Variants in MAK observed in about 807,000 individuals in gnomAD.
The protein encoded by MAK is male germ cell associated kinase.
Under a neutral mutation model 82.6 loss-of-function variants are expected in MAK, and 65 were observed. That is an observed-to-expected ratio of 0.79 (90% confidence interval 0.64 to 0.97). The LOEUF (loss-of-function observed/expected upper bound fraction) is 0.97. Ranked by LOEUF, MAK falls within the 50% of genes least tolerant of loss-of-function variation. The pLI, the probability that MAK is intolerant of heterozygous loss-of-function variation, is 0.00. For synonymous variants in MAK, 250 were observed against 274.2 expected, an observed-to-expected ratio of 0.91 and a Z score of 0.87; for missense variants, 703 against 780.2, an observed-to-expected ratio of 0.90 and a Z score of 1.18.
At chr6:10,791,520 G>A (rs1250205324) in intron 10 of MAK, among the ~76,000 whole-genome samples, 155 bp downstream of exon 10, 1 of 152,108 alleles carries the variant, frequency 6.6e-6, no homozygotes, top group African/African-American at 2.4e-5. Context: ...ACCTGCCTCG[G>A]CCTCCCAAAG....
In MAK at chr6:10,802,027, G is replaced by C; in HGVS notation, c.696C>G (p.Ser232=). The change falls in exon 8 of 15, where the codon TCC becomes TCG. Residue 232 remains serine, a synonymous_variant. Coordinates refer to ENST00000354489, the MANE Select transcript of MAK (RefSeq NM_001242957.3). Reference sequence around the variant, plus strand: ...ACTGGGGAAAACGGAAGTTCATAGAGGATGCCAGCTGGTATCCTTCTGGCC... The same window carrying C: ...ACTGGGGAAAACGGAAGTTCATAGACGATGCCAGCTGGTATCCTTCTGGCC... ...SDWPEGYQLA[S]SMNFRFPQCV... The C allele has an allele frequency of 6.2e-7, 1 of 1,614,144 alleles. No homozygotes were observed. The highest frequency in any genetic ancestry group is 8.5e-7 in the Non-Finnish European group (1 of 1,180,016).
intron 11 of MAK, 59 bp downstream of exon 11, chr6:10,784,365 C>G: frequency 6.3e-7 from 1 of 1,588,608 alleles, no homozygotes; most frequent in Non-Finnish European, 8.6e-7. Flanking sequence ...TTCCAAGACA[C>G]TTGAACCTGA....
intron 12 of MAK, among the ~76,000 whole-genome samples, chr6:10,775,002 G>A (rs368220628): frequency 6.6e-6 from 1 of 152,114 alleles, no homozygotes; most frequent in Non-Finnish European, 1.5e-5. Context: ...TTTTAATATA[G>A]AGGCACAGTT....
chr6:10,830,443 C>T (rs190036324), intron 2 of MAK, 105 bp downstream of exon 2: 4 of 936,380 alleles, frequency 4.3e-6, no homozygotes, highest in Middle Eastern at 2.1e-4. Context: ...GGATTACAGG[C>T]ATGAGCCACC....
intron 14 of MAK, among the ~76,000 whole-genome samples, chr6:10,768,244 A>G (rs957629821): frequency 3.9e-5 from 6 of 152,198 alleles, no homozygotes; most frequent in Admixed American, 3.9e-4. Flanking sequence ...AGGTAACAAA[A>G]TAATTTGAAA....
At chr6:10,797,900 T>C (rs1179712315) in intron 8 of MAK, 1 of 1,274,868 alleles carries the variant, frequency 7.8e-7, no homozygotes, top group South Asian at 1.3e-5. Flanking sequence ...AAGAAAGAGT[T>C]TGTTAAGGGT....
At chr6:10,771,499 C>T (rs576115680) in intron 13 of MAK, among the ~76,000 whole-genome samples, 40 of 152,296 alleles carry the variant, frequency 2.6e-4, no homozygotes, top group African/African-American at 9.6e-4. Flanking sequence ...GGAGCTAGCT[C>T]TGCAGGAAGG....
At chr6:10,837,887 G>C (rs570429378) in intron 1 of MAK, 2 of 152,216 alleles carry the variant, frequency 1.3e-5, no homozygotes, top group African/African-American at 4.8e-5. Flanking sequence ...AGGAGGGGGC[G>C]TCCCCGGGCG....
chr6:10,820,376 C>T (rs975038613), intron 2 of MAK, among the ~76,000 whole-genome samples: 2 of 152,142 alleles, frequency 1.3e-5, no homozygotes, highest in Non-Finnish European at 2.9e-5. Context: ...GGCAGCACAA[C>T]ATCACAGCCA....
chr6:10,786,905 A>C (rs1448557432), intron 10 of MAK, among the ~76,000 whole-genome samples: 4 of 126,328 alleles, frequency 3.2e-5, no homozygotes, highest in East Asian at 2.4e-4. Flanking sequence ...CACTCCGCTA[A>C]TTCACCAGTT....
intron 8 of MAK, chr6:10,797,596 C>T (rs1187385536): frequency 3.0e-6 from 3 of 985,300 alleles, no homozygotes; most frequent in Admixed American, 6.1e-5. Context: ...TGGAAAAATT[C>T]CCTTATTGGC....
intron 11 of MAK, among the ~76,000 whole-genome samples, chr6:10,779,932 C>A (rs1181496566): frequency 3.9e-5 from 6 of 152,180 alleles, no homozygotes; most frequent in Admixed American, 3.3e-4. Flanking sequence ...GGTGATCCAC[C>A]GGCTTTGGCC....
intron 6 of MAK, 58 bp from the exon 7 acceptor site, chr6:10,803,949 C>CAGTA: frequency 7.0e-7 from 1 of 1,421,214 alleles, no homozygotes; most frequent in Non-Finnish European, 9.9e-7. Flanking sequence ...GGTGGATGGG[C>CAGTA]AGTAGCATTC....
chr6:10,813,114 ATATATATATATATATATATAAATT>A (rs1581737163), intron 5 of MAK, among the ~76,000 whole-genome samples: 94 of 6,090 alleles, frequency 0.015, 3 homozygotes, highest in Non-Finnish European at 0.048. Context: ...ATATATATAT[ATATATATATATATATATATAAATT>A]TTTTTTTTTT....
chr6:10,784,409 C>A lies in MAK; in HGVS notation c.1465+15G>T. 1 of 1,613,652 alleles carries A rather than the reference C, an allele frequency of 6.2e-7. No individual in the cohort carries two copies. Among genetic ancestry groups the A allele is most frequent in the African/African-American group, 1.3e-5 (1 of 75,036 alleles). Reference sequence around the variant, plus strand: ...TACTCTAGTTAGCAGCAAACATTTTCTTTGCTCTACTTACCTGGAAGATAT... The same window carrying A: ...TACTCTAGTTAGCAGCAAACATTTTATTTGCTCTACTTACCTGGAAGATAT... On this transcript the variant is annotated intron_variant, in intron 11 of 14. Coordinates refer to ENST00000354489, the MANE Select transcript of MAK (RefSeq NM_001242957.3).
intron 11 of MAK, chr6:10,779,497 C>T: frequency 2.0e-6 from 2 of 984,970 alleles, no homozygotes; most frequent in Non-Finnish European, 2.4e-6. Flanking sequence ...GTCATGCTGC[C>T]CTGCAATTAT....
chr6:10,808,752 C>T (rs1581726564), intron 6 of MAK, 58 bp downstream of exon 6: 6 of 1,529,680 alleles, frequency 3.9e-6, no homozygotes, highest in East Asian at 2.3e-5. Context: ...AACAATCCAT[C>T]GTAGGAAAAT....
In MAK at chr6:10,831,830, T is replaced by G. The variant is rs139076096; in HGVS notation, c.-229-953A>C. On this transcript the variant is annotated intron_variant, in intron 1 of 14. Transcript: ENST00000354489. The stretch of plus-strand genomic sequence containing the variant: ...AAATGTTGTAACCTCATAATCAAAC[T>G]TGAATGAATGAGGAAGTGTTTCTTA... Among the ~76,000 whole-genome samples the G allele has an allele frequency of 8.8e-3, 1,345 of 152,262 alleles. 16 individuals are homozygous for G. The highest frequency in any genetic ancestry group is 0.071 in the Middle Eastern group (21 of 294).
In MAK at chr6:10,787,848, G is replaced by A. The variant is rs371248094; in HGVS notation, c.1317-3276C>T. On this transcript the variant is annotated intron_variant, in intron 10 of 14. Transcript: ENST00000354489. ...TGCACTCCAGCCTGGGTGACAGAGC[G>A]AGACTGTCTCAAAAAAAAAAAAAAA... is the stretch of plus-strand genomic sequence containing the variant. Among the ~76,000 whole-genome samples, 339 of 91,886 alleles carry A rather than the reference G, an allele frequency of 3.7e-3. 1 individual carries two copies. The highest frequency in any genetic ancestry group is 0.015 in the African/African-American group (326 of 21,304). The allele number at this position is 91,886 out of a possible 152,430, so 60.3% of individuals were successfully genotyped here.
Sources: allele counts gnomAD v4.1 joint callset (sites outside exome capture counted in the v4.1 genomes callset), GRCh38; gene constraint gnomAD v4.1.1; transcripts MANE v1.5; gene names NCBI Gene and HGNC (gene_info 2026-07-23, HGNC 2026-07-21).